Variants in PLCB1 observed in about 807,000 individuals in gnomAD.
PLCB1 encodes the protein 1-phosphatidylinositol 4,5-bisphosphate phosphodiesterase beta-1.
PLCB1 carries 46 observed loss-of-function variants against 161.8 expected under a neutral mutation model. The observed-to-expected ratio is 0.28, with a 90% CI of 0.22 to 0.36. The LOEUF is 0.36. PLCB1 is among the 10% of genes least tolerant of loss of function. The pLI is 1.00. For missense variants in PLCB1, 1,016 were observed against 1,472.5 expected (o/e 0.69, Z 5.07); for synonymous variants, 517 against 503.7 (o/e 1.03, Z -0.35).
intron 2 of PLCB1, among the ~76,000 whole-genome samples, chr20:8,343,168 C>T (rs1985876254): frequency 6.6e-6 from 1 of 152,176 alleles, no homozygotes; most frequent in South Asian, 2.1e-4. Flanking sequence ...AGGTAAAATA[C>T]AGATCCTGGC....
intron 3 of PLCB1, among the ~76,000 whole-genome samples, chr20:8,525,971 A>G (rs1323898795): frequency 6.6e-6 from 1 of 152,078 alleles, no homozygotes. Flanking sequence ...CTGTGTTACT[A>G]TGAATGGTTA....
At chr20:8,540,899 C>T (rs1356097753) in intron 3 of PLCB1, among the ~76,000 whole-genome samples, 1 of 152,052 alleles carries the variant, frequency 6.6e-6, no homozygotes, top group Non-Finnish European at 1.5e-5. Flanking sequence ...CCCTGATGCC[C>T]TGTATTTATT....
At chr20:8,467,967 A>G (rs1981889568) in intron 3 of PLCB1, among the ~76,000 whole-genome samples, 1 of 152,216 alleles carries the variant, frequency 6.6e-6, no homozygotes, top group African/African-American at 2.4e-5. Context: ...GCTTCTACTT[A>G]GCAATATGAA....
intron 2 of PLCB1, among the ~76,000 whole-genome samples, chr20:8,368,920 G>A (rs1039714329): frequency 7.7e-5 from 10 of 130,244 alleles, no homozygotes; most frequent in African/African-American, 2.6e-4. Flanking sequence ...TCATCCTTGT[G>A]TACTGGCTGA....
At chr20:8,422,445 G>T (rs1278137872) in intron 3 of PLCB1, among the ~76,000 whole-genome samples, 1 of 152,176 alleles carries the variant, frequency 6.6e-6, no homozygotes, top group African/African-American at 2.4e-5. Context: ...CCCAGACGGA[G>T]AACAAGGGCC....
chr20:8,688,710 A>G (rs1016807918), intron 10 of PLCB1, among the ~76,000 whole-genome samples: 12 of 152,192 alleles, frequency 7.9e-5, no homozygotes, highest in Admixed American at 2.0e-4. Context: ...CTGAGTGCCT[A>G]TTTTTATGCC....
chr20:8,480,561 A>G (rs1307284876), intron 3 of PLCB1, among the ~76,000 whole-genome samples: 1 of 152,158 alleles, frequency 6.6e-6, no homozygotes, highest in African/African-American at 2.4e-5. Context: ...TGTGTCACCA[A>G]TGAGGAGGGC....
At chr20:8,332,340 G>T (rs552390209) in intron 2 of PLCB1, among the ~76,000 whole-genome samples, 2 of 152,268 alleles carry the variant, frequency 1.3e-5, no homozygotes, top group South Asian at 4.2e-4. Context: ...GATTTTATTT[G>T]TTCCTTGCAA....
chr20:8,141,270 C>T (rs1005262507), intron 1 of PLCB1, among the ~76,000 whole-genome samples: 4 of 152,060 alleles, frequency 2.6e-5, no homozygotes, highest in South Asian at 4.1e-4. Flanking sequence ...ATGTACAGTC[C>T]GTTTTTGTCT....
At chr20:8,209,780 A>T (rs1978726765) in intron 2 of PLCB1, among the ~76,000 whole-genome samples, 3 of 152,140 alleles carry the variant, frequency 2.0e-5, no homozygotes, top group African/African-American at 7.2e-5. Context: ...CTGACATAGA[A>T]AATCATCATA....
At chr20:8,579,800 A>G (rs1297617607) in intron 3 of PLCB1, among the ~76,000 whole-genome samples, 2 of 152,090 alleles carry the variant, frequency 1.3e-5, no homozygotes, top group African/African-American at 4.8e-5. Flanking sequence ...TTATGTATGG[A>G]GGGAGCATGC....
At chr20:8,741,338 G>A (rs1186977889) in intron 22 of PLCB1, 126 bp from the exon 23 acceptor site, 3 of 629,430 alleles carry the variant, frequency 4.8e-6, no homozygotes, top group Non-Finnish European at 5.8e-6. Flanking sequence ...TGGATGGATG[G>A]ATGGGTGGGT....
intron 29 of PLCB1, among the ~76,000 whole-genome samples, chr20:8,789,073 A>G (rs1983626766): frequency 6.6e-6 from 1 of 152,212 alleles, no homozygotes; most frequent in African/African-American, 2.4e-5. Flanking sequence ...CTGGCAGATT[A>G]TACCTTCCTT....
At chr20:8,468,249 T>C (rs979392511) in intron 3 of PLCB1, among the ~76,000 whole-genome samples, 1 of 152,174 alleles carries the variant, frequency 6.6e-6, no homozygotes, top group Non-Finnish European at 1.5e-5. Context: ...TATAAGTCTG[T>C]TTACATATAT....
chr20:8,239,593 TA>T (rs765027402), intron 2 of PLCB1, among the ~76,000 whole-genome samples: 558 of 139,896 alleles, frequency 4.0e-3, no homozygotes, highest in African/African-American at 4.8e-3. Flanking sequence ...TTCTGGTACT[TA>T]AAAAAAAAAA....
intron 2 of PLCB1, among the ~76,000 whole-genome samples, chr20:8,323,847 G>A (rs559768084): frequency 2.9e-4 from 43 of 145,792 alleles, no homozygotes; most frequent in Admixed American, 3.5e-4. Context: ...CTAATACCAT[G>A]CTTAGTCATT....
At chr20:8,145,344 C>T (rs1049923847) in intron 1 of PLCB1, among the ~76,000 whole-genome samples, 13 of 152,146 alleles carry the variant, frequency 8.5e-5, no homozygotes, top group Non-Finnish European at 1.9e-4. Context: ...CTCCTTTTAA[C>T]TTAATCATAT....
rs567289694 is a variant in PLCB1 at position 8,581,461 on chromosome 20, C to G, written c.247-46833C>G. On this transcript the variant is annotated intron_variant, in intron 3 of 31. Coordinates refer to ENST00000338037, the MANE Select transcript of PLCB1 (RefSeq NM_015192.4). ...GTGGTTCAGAACAGGTTATAAGGAA[C>G]AAGTATGGGACAATTTTGGATGTCC... 1.4e-4 allele frequency among the ~76,000 whole-genome samples: 21 copies of G among 152,216 alleles called. No homozygotes were observed. The South Asian group carries it at 2.1e-3, about 15-fold the overall frequency.
intron 2 of PLCB1, among the ~76,000 whole-genome samples, chr20:8,227,365 G>A (rs1568597439): frequency 6.6e-6 from 1 of 152,118 alleles, no homozygotes; most frequent in Non-Finnish European, 1.5e-5. Context: ...ACTGCCACTT[G>A]GTATGTAAAA....
Sources: gnomAD v4.1 joint callset for allele counts (sites outside exome capture counted in the v4.1 genomes callset) on GRCh38, gnomAD v4.1.1 for gene constraint, MANE v1.5 for transcripts, NCBI Gene and HGNC (gene_info 2026-07-23, HGNC 2026-07-21) for gene names.